The following RAD51B variants were observed in gnomAD, a reference collection of about 807,000 sequenced individuals.
RAD51B encodes DNA repair protein RAD51 homolog 2.
A neutral mutation model predicts 42.2 loss-of-function variants in RAD51B; 38 were observed. That is an observed-to-expected ratio of 0.90 (90% confidence interval 0.70 to 1.18). The LOEUF (loss-of-function observed/expected upper bound fraction) is 1.18, where lower values mean the gene tolerates loss of function less well. Ranked by LOEUF, RAD51B falls within the 50% of genes most tolerant of loss-of-function variation. The pLI is 0.00. For missense variants in RAD51B, 373 were observed against 400.7 expected (o/e 0.93, Z 0.59); for synonymous variants, 154 against 145.2 (o/e 1.06, Z -0.43).
intron 8 of RAD51B, among the ~76,000 whole-genome samples, chr14:68,402,693 G>A (rs376059366): frequency 6.6e-6 from 1 of 152,194 alleles, no homozygotes; most frequent in African/African-American, 2.4e-5. Flanking sequence ...GTAGGGCACA[G>A]CGATTCAAAG....
intron 7 of RAD51B, among the ~76,000 whole-genome samples, chr14:68,123,494 G>A (rs965846634): frequency 2.0e-5 from 3 of 151,948 alleles, no homozygotes; most frequent in Non-Finnish European, 4.4e-5. Context: ...ACCTGGACAG[G>A]AACTTAGTCT....
chr14:68,518,778 C>A (rs1886358039), intron 10 of RAD51B, among the ~76,000 whole-genome samples: 1 of 152,228 alleles, frequency 6.6e-6, no homozygotes, highest in Admixed American at 6.5e-5. Context: ...ATTGCATTTT[C>A]TTTCTTGGAG....
chr14:68,200,414 C>T (rs947522703), intron 7 of RAD51B, among the ~76,000 whole-genome samples: 2 of 152,104 alleles, frequency 1.3e-5, no homozygotes, highest in African/African-American at 4.8e-5. Context: ...AAAGTATTAC[C>T]CACTAAAACT....
At chr14:68,416,782 T>G (rs1342037746) in intron 9 of RAD51B, among the ~76,000 whole-genome samples, 2 of 152,178 alleles carry the variant, frequency 1.3e-5, no homozygotes, top group Non-Finnish European at 2.9e-5. Flanking sequence ...CCTGGAATCT[T>G]ATGGGATAGC....
At chr14:68,671,000 G>C (rs1893144443) in intron 11 of RAD51B, among the ~76,000 whole-genome samples, 1 of 152,204 alleles carries the variant, frequency 6.6e-6, no homozygotes. Context: ...ATGCCAGCCA[G>C]CTCCTGGCGT....
chr14:68,202,780 C>T (rs1293285953), intron 7 of RAD51B, among the ~76,000 whole-genome samples: 1 of 151,824 alleles, frequency 6.6e-6, no homozygotes, highest in African/African-American at 2.4e-5. Context: ...CGGGGTTTCT[C>T]CATGTTGGTC....
intron 7 of RAD51B, among the ~76,000 whole-genome samples, chr14:68,106,799 AT>A (rs1240707372): frequency 6.6e-6 from 1 of 151,926 alleles, no homozygotes; most frequent in Admixed American, 6.6e-5. Flanking sequence ...TAAAAAACTC[AT>A]TTAATGGGTA....
Position 68,188,028 on chromosome 14 carries a change from T to C in RAD51B, c.757-103856T>C, listed in dbSNP as rs543198331. ...TGGGGTTTCACCATGTTAACCAAGCTGGTCTTGAACTCCTGACCTCAAGTC... is the reference window on the plus strand; with the variant it reads ...TGGGGTTTCACCATGTTAACCAAGCCGGTCTTGAACTCCTGACCTCAAGTC... On this transcript the variant is annotated intron_variant, in intron 7 of 10. Transcript: ENST00000471583. 2.0e-5 allele frequency among the ~76,000 whole-genome samples: 3 copies of C among 152,324 alleles called. No individual in the cohort carries two copies. The East Asian group carries it at 5.8e-4, about 29-fold the overall frequency.
intron 8 of RAD51B, among the ~76,000 whole-genome samples, chr14:68,400,274 T>C (rs1206846174): frequency 6.6e-6 from 1 of 152,230 alleles, no homozygotes; most frequent in African/African-American, 2.4e-5. Flanking sequence ...GACCAAATGT[T>C]ACTTCACTGT....
chr14:67,997,937 A>G (rs1208436652), intron 7 of RAD51B, among the ~76,000 whole-genome samples: 1 of 152,150 alleles, frequency 6.6e-6, no homozygotes. Context: ...GCAGAACTCT[A>G]TTGTCTTTCT....
At chr14:68,260,440 A>G (rs1484238563) in intron 7 of RAD51B, among the ~76,000 whole-genome samples, 1 of 152,022 alleles carries the variant, frequency 6.6e-6, no homozygotes, top group Non-Finnish European at 1.5e-5. Context: ...TTATTTAACC[A>G]AAGTTTTACA....
chr14:67,937,708 A>G (rs889012135), intron 7 of RAD51B, among the ~76,000 whole-genome samples: 1 of 152,122 alleles, frequency 6.6e-6, no homozygotes, highest in African/African-American at 2.4e-5. Flanking sequence ...GGTTGTGGCC[A>G]CTTGTCTGTC....
intron 10 of RAD51B, among the ~76,000 whole-genome samples, chr14:68,589,963 T>A (rs1890666457): frequency 1.3e-5 from 2 of 152,180 alleles, no homozygotes; most frequent in South Asian, 4.1e-4. Context: ...TGCATTCAGA[T>A]CTGTACCCAT....
At chr14:68,605,680 G>A (rs1007907602) in intron 10 of RAD51B, among the ~76,000 whole-genome samples, 1 of 152,208 alleles carries the variant, frequency 6.6e-6, no homozygotes, top group Non-Finnish European at 1.5e-5. Context: ...CCACTCCTGT[G>A]TCTTAACTAA....
chr14:67,927,567 A>C (rs74246596), intron 7 of RAD51B, among the ~76,000 whole-genome samples: 1 of 152,060 alleles, frequency 6.6e-6, no homozygotes, highest in Admixed American at 6.6e-5. Context: ...TAGCTCCCAC[A>C]TGTGAATGAG....
chr14:68,202,772 G>T (rs558506450), intron 7 of RAD51B, among the ~76,000 whole-genome samples: 1 of 151,576 alleles, frequency 6.6e-6, no homozygotes, highest in Non-Finnish European at 1.5e-5. Flanking sequence ...AGTAGAGACG[G>T]GGTTTCTCCA....
chr14:68,089,651 G>A (rs2077056633), intron 7 of RAD51B, among the ~76,000 whole-genome samples: 1 of 152,198 alleles, frequency 6.6e-6, no homozygotes, highest in Non-Finnish European at 1.5e-5. Context: ...TGCCAGATTT[G>A]CATTTTGCAC....
chr14:68,326,507 T>C (rs2082255630), intron 8 of RAD51B, among the ~76,000 whole-genome samples: 1 of 152,160 alleles, frequency 6.6e-6, no homozygotes, highest in South Asian at 2.1e-4. Flanking sequence ...AAGTTGGGCT[T>C]GTGTCAATGT....
Position 68,428,746 on chromosome 14 carries a change from TA to T in RAD51B, c.957+17220del, listed in dbSNP as rs2084921122. 9.9e-5 allele frequency among the ~76,000 whole-genome samples: 10 copies of T among 101,380 alleles called. No individual in the cohort carries two copies. The South Asian group carries it at 3.8e-3, about 38-fold the overall frequency. The allele number at this position is 101,380 out of a possible 152,430, so 66.5% of individuals were successfully genotyped here. On this transcript the variant is annotated intron_variant, in intron 9 of 10. Transcript: ENST00000471583. Reference sequence around the variant, plus strand: ...ATATATATATATATATATATATATATATATATATATATATATATAATTATTA... The same window carrying T: ...ATATATATATATATATATATATATATTATATATATATATATATAATTATTA...
Sources: gnomAD v4.1 joint callset for allele counts (sites outside exome capture counted in the v4.1 genomes callset) on GRCh38, gnomAD v4.1.1 for gene constraint, MANE v1.5 for transcripts, NCBI Gene and HGNC (gene_info 2026-07-23, HGNC 2026-07-21) for gene names.